Variants in PTBP3 observed in about 807,000 individuals in gnomAD.
PTBP3 encodes the protein polypyrimidine tract binding protein 3.
Under a neutral mutation model 58.7 loss-of-function variants are expected in PTBP3, and 20 were observed. That is an observed-to-expected ratio of 0.34 (90% CI 0.24 to 0.50). The LOEUF (loss-of-function observed/expected upper bound fraction) is 0.50. Ranked by LOEUF, PTBP3 falls within the 20% of genes least tolerant of loss-of-function variation. The pLI is 0.98. For missense variants in PTBP3, 509 were observed against 637.2 expected, an observed-to-expected ratio of 0.80 and a Z score of 2.17; for synonymous variants, 185 against 219.8, an observed-to-expected ratio of 0.84 and a Z score of 1.40.
chr9:112,221,076 A>G lies in PTBP3; in HGVS notation c.*2775T>C. 1 of 985,068 alleles carries G rather than the reference A, an allele frequency of 1.0e-6. No homozygotes were observed. Among genetic ancestry groups the G allele is most frequent in the Non-Finnish European group, 1.2e-6 (1 of 829,476 alleles). 61.0% of individuals were successfully genotyped at this position (985,068 alleles called of 1,614,324 possible). A position where few individuals can be genotyped will look rare whatever the true frequency, so the allele number is the denominator to read the frequency against. The stretch of plus-strand genomic sequence containing the variant: ...TAATTCAAACAGCAAATAGCTTAAT[A>G]TGGACAACATCCATGTGCTACAGCT... On this transcript the variant is annotated 3_prime_UTR_variant, in exon 14 of 14. Coordinates refer to ENST00000374257, the MANE Select transcript of PTBP3 (RefSeq NM_001163788.4).
chr9:112,320,301 TATATATATATATA>T lies in PTBP3; in HGVS notation c.-52+13156_-52+13168del, dbSNP rs1463959817. ...TCTTAAAAAAAAAAAAATATATATA[TATATATATATATA>T]TTTTTTTTTAAGTGTTATCACCAGA... On this transcript the variant is annotated intron_variant, in intron 1 of 13. Coordinates refer to ENST00000374257, the MANE Select transcript of PTBP3 (RefSeq NM_001163788.4). Among the ~76,000 whole-genome samples, 192 of 52,970 alleles carry T rather than the reference TATATATATATATA, an allele frequency of 3.6e-3. 7 individuals are homozygous for T. Among genetic ancestry groups the T allele is most frequent in the African/African-American group, 0.025 (187 of 7,342 alleles). The allele number at this position is 52,970 out of a possible 152,430, so 34.8% of individuals were successfully genotyped here.
chr9:112,306,411 C>T (rs1398551324), intron 1 of PTBP3, among the ~76,000 whole-genome samples: 1 of 149,304 alleles, frequency 6.7e-6, no homozygotes, highest in African/African-American at 2.5e-5. Context: ...TTGCCCGCTT[C>T]GACCTTCCAA....
chr9:112,304,518 T>C (rs1829082935), intron 1 of PTBP3, among the ~76,000 whole-genome samples: 1 of 152,242 alleles, frequency 6.6e-6, no homozygotes, highest in Non-Finnish European at 1.5e-5. Context: ...CTCCGCTCTA[T>C]TATCCTTTTA....
At chr9:112,291,825 A>G (rs1355261238) in intron 2 of PTBP3, among the ~76,000 whole-genome samples, 2 of 152,242 alleles carry the variant, frequency 1.3e-5, no homozygotes, top group Non-Finnish European at 2.9e-5. Flanking sequence ...TCTTGGATAT[A>G]ACACCAAATG....
At chr9:112,373,129 C>T in the PTBP3 span, among the ~76,000 whole-genome samples, 2 of 152,090 alleles carry the variant, frequency 1.3e-5, no homozygotes, top group East Asian at 3.9e-4. Flanking sequence ...ATCTCCTGAC[C>T]TTGTGATCTG....
At chr9:112,231,265 C>T (rs1835187357) in intron 10 of PTBP3, 115 bp downstream of exon 10, 2 of 732,344 alleles carry the variant, frequency 2.7e-6, no homozygotes, top group Non-Finnish European at 4.2e-6. Context: ...CTGTTTTATC[C>T]TCAGTGTCAG....
At chr9:112,322,035 T>C (rs2132447562) in intron 1 of PTBP3, among the ~76,000 whole-genome samples, 1 of 145,964 alleles carries the variant, frequency 6.9e-6, no homozygotes, top group Non-Finnish European at 1.5e-5. Context: ...CTTGGGAGGC[T>C]GAGGCAGGAG....
At chr9:112,344,922 C>T in the PTBP3 span, among the ~76,000 whole-genome samples, 8 of 151,942 alleles carry the variant, frequency 5.3e-5, no homozygotes, top group Admixed American at 1.3e-4. Flanking sequence ...CACCTGAGGT[C>T]GGGAGTTCGA....
At chr9:112,375,125 G>C in the PTBP3 span, among the ~76,000 whole-genome samples, 1 of 152,294 alleles carries the variant, frequency 6.6e-6, no homozygotes, top group South Asian at 2.1e-4. Flanking sequence ...CACAGAACGA[G>C]TCATCCTATC....
rs1802760178 is a variant in PTBP3, at chr9:112,222,364, C to T, written c.*1487G>A. The T allele has an allele frequency of 5.1e-6, 5 of 985,482 alleles. No homozygotes were observed. The highest frequency in any genetic ancestry group is 1.7e-5 in the African/African-American group (1 of 57,202). 61.0% of individuals were successfully genotyped at this position (985,482 alleles called of 1,614,324 possible). A position where few individuals can be genotyped will look rare whatever the true frequency, so the allele number is the denominator to read the frequency against. ...ATGAGAAATAACCCACCTTCTCATACTCCAAATACGTGGGTACTCAGTAAT... is the reference window on the plus strand; with the variant it reads ...ATGAGAAATAACCCACCTTCTCATATTCCAAATACGTGGGTACTCAGTAAT... On this transcript the variant is annotated 3_prime_UTR_variant, in exon 14 of 14. Coordinates refer to ENST00000374257, the MANE Select transcript of PTBP3 (RefSeq NM_001163788.4).
chr9:112,267,903 G>C, intron 4 of PTBP3, 146 bp downstream of exon 4: 1 of 655,958 alleles, frequency 1.5e-6, no homozygotes. Flanking sequence ...CTTAAGAATT[G>C]GGGGGAAGAA....
chr9:112,378,280 A>G, the PTBP3 span, among the ~76,000 whole-genome samples: 1 of 152,240 alleles, frequency 6.6e-6, no homozygotes, highest in Non-Finnish European at 1.5e-5. Context: ...ATTTAGGAAT[A>G]TATTTGCCTT....
the PTBP3 span, among the ~76,000 whole-genome samples, chr9:112,368,766 G>C: frequency 6.6e-6 from 1 of 152,182 alleles, no homozygotes; most frequent in Non-Finnish European, 1.5e-5. Flanking sequence ...CATAAGTAAC[G>C]AGGAGCCAAA....
In PTBP3 at chr9:112,222,359, T is replaced by C; in HGVS notation, c.*1492A>G. Reference sequence around the variant, plus strand: ...AGAGTATGAGAAATAACCCACCTTCTCATACTCCAAATACGTGGGTACTCA... The same window carrying C: ...AGAGTATGAGAAATAACCCACCTTCCCATACTCCAAATACGTGGGTACTCA... On this transcript the variant is annotated 3_prime_UTR_variant, in exon 14 of 14. Transcript: ENST00000374257. 1 of 985,564 alleles carries C rather than the reference T, an allele frequency of 1.0e-6. No homozygotes were observed. Among genetic ancestry groups the C allele is most frequent in the Non-Finnish European group, 1.2e-6 (1 of 829,732 alleles). 61.1% of individuals were successfully genotyped at this position (985,564 alleles called of 1,614,324 possible).
chr9:112,315,625 A>G lies in PTBP3; in HGVS notation c.-51-17709T>C, dbSNP rs544507982. Among the ~76,000 whole-genome samples, 237 of 152,296 alleles carry G rather than the reference A, an allele frequency of 1.6e-3. 1 individual carries two copies. Among genetic ancestry groups the G allele is most frequent in the African/African-American group, 5.5e-3 (230 of 41,562 alleles). On this transcript the variant is annotated intron_variant, in intron 1 of 13. Coordinates refer to ENST00000374257, the MANE Select transcript of PTBP3 (RefSeq NM_001163788.4). Reference sequence around the variant, plus strand: ...AATAAAAATAAAAAACTATTTTAAAAAAGAAAGAAATAGAACATCTGAATA... The same window carrying G: ...AATAAAAATAAAAAACTATTTTAAAGAAGAAAGAAATAGAACATCTGAATA...
At position 112,220,285 on chromosome 9, in the gene PTBP3, G is replaced by T. The variant is rs1488169530; in HGVS notation, c.*3566C>A. 7.5e-7 allele frequency: 1 copy of T among 1,324,580 alleles called. No individual in the cohort carries two copies. Among genetic ancestry groups the T allele is most frequent in the Admixed American group, 2.1e-5 (1 of 47,902 alleles). The allele number at this position is 1,324,580 out of a possible 1,614,324, so 82.1% of individuals were successfully genotyped here. A position where few individuals can be genotyped will look rare whatever the true frequency, so the allele number is the denominator to read the frequency against. ...ACGGAGACACTGAAAAGAACAGAGA[G>T]CCAGGCGTGGTGGCTCATGCCTGTA... is the stretch of plus-strand genomic sequence containing the variant. On this transcript the variant is annotated 3_prime_UTR_variant, in exon 14 of 14. Transcript: ENST00000374257.
chr9:112,270,030 C>A (rs1000377659), intron 3 of PTBP3, among the ~76,000 whole-genome samples: 1 of 151,774 alleles, frequency 6.6e-6, no homozygotes, highest in African/African-American at 2.4e-5. Flanking sequence ...CTATACCCTC[C>A]GTCTCCTGGG....
chr9:112,356,769 A>G, the PTBP3 span, among the ~76,000 whole-genome samples: 1 of 141,694 alleles, frequency 7.1e-6, no homozygotes, highest in Admixed American at 7.4e-5. Context: ...GAAAGACTCA[A>G]GAGGCTTTTG....
the PTBP3 span, among the ~76,000 whole-genome samples, chr9:112,351,235 C>T: frequency 2.6e-5 from 4 of 152,312 alleles, no homozygotes; most frequent in African/African-American, 9.6e-5. Context: ...GACAGTTTCT[C>T]ACTTGCCTCG....
Sources: gnomAD v4.1 joint callset for allele counts (sites outside exome capture counted in the v4.1 genomes callset) on GRCh38, gnomAD v4.1.1 for gene constraint, MANE v1.5 for transcripts, NCBI Gene and HGNC (gene_info 2026-07-23, HGNC 2026-07-21) for gene names.